The following COPB2 variants were observed in gnomAD, a reference collection of about 807,000 sequenced individuals.
COPB2 encodes coatomer subunit beta'.
A neutral mutation model predicts 120.8 loss-of-function variants in COPB2; 16 were observed. The ratio of observed to expected loss-of-function variants is 0.13; its 90% CI spans 0.09 to 0.20. The LOEUF is 0.20. Among genes scored for constraint, COPB2 ranks in the 10% least tolerant of loss-of-function variants. COPB2 has a pLI of 1.00. For missense variants in COPB2, 794 were observed against 1,076.5 expected (o/e 0.74, Z 3.67); for synonymous variants, 332 against 366.3 (o/e 0.91, Z 1.07).
chr3:139,380,951 C>T (rs1337631508), intron 2 of COPB2: 2 of 152,162 alleles, frequency 1.3e-5, no homozygotes, highest in African/African-American at 2.4e-5. Context: ...AGGTTCAACG[C>T]CATGTTAGGG....
At chr3:139,374,133 G>A (rs1941674995) in intron 7 of COPB2, 1 of 415,762 alleles carries the variant, frequency 2.4e-6, no homozygotes, top group Non-Finnish European at 4.3e-6. Context: ...AGATATATAT[G>A]TTTCCATTTC....
At chr3:139,389,250 C>T (rs1942001429) in intron 1 of COPB2, among the ~76,000 whole-genome samples, 2 of 152,258 alleles carry the variant, frequency 1.3e-5, no homozygotes, top group Non-Finnish European at 2.9e-5. Flanking sequence ...CATTCGGCTT[C>T]TGTGTTTCCC....
At chr3:139,366,976 T>C in intron 14 of COPB2, 39 bp downstream of exon 14, 1 of 1,588,562 alleles carries the variant, frequency 6.3e-7, no homozygotes, top group Non-Finnish European at 8.6e-7. Context: ...CTAAACACAC[T>C]TTAAAATTTA....
intron 17 of COPB2, 27 bp downstream of exon 17, chr3:139,361,054 T>G: frequency 3.1e-6 from 5 of 1,608,570 alleles, no homozygotes; most frequent in South Asian, 2.2e-5. Context: ...AGTGTAGAAT[T>G]AATTAATCTT....
At chr3:139,364,456 A>AAAT in intron 15 of COPB2, among the ~76,000 whole-genome samples, 1 of 152,326 alleles carries the variant, frequency 6.6e-6, no homozygotes, top group Non-Finnish European at 1.5e-5. Context: ...GAGATTATGA[A>AAAT]AATGGATACA....
chr3:139,358,032 CAA>C, intron 21 of COPB2, 74 bp from the exon 22 acceptor site: 2 of 1,055,786 alleles, frequency 1.9e-6, no homozygotes, highest in South Asian at 3.0e-5. Flanking sequence ...GTTCATGATT[CAA>C]AGTGAGAACT....
intron 15 of COPB2, among the ~76,000 whole-genome samples, chr3:139,364,530 T>C (rs1437243458): frequency 2.0e-5 from 3 of 152,140 alleles, no homozygotes; most frequent in Non-Finnish European, 4.4e-5. Context: ...CCCAAAATGA[T>C]GGTGACTGGG....
At chr3:139,389,513 G>A (rs781000765) in intron 1 of COPB2, 35 bp downstream of exon 1, 1 of 1,551,210 alleles carries the variant, frequency 6.4e-7, no homozygotes, top group Admixed American at 1.8e-5. Flanking sequence ...CGTAACCTAT[G>A]GGACCCCGCT....
At chr3:139,388,137 C>T (rs1216928674) in intron 1 of COPB2, 3 of 152,092 alleles carry the variant, frequency 2.0e-5, no homozygotes, top group Non-Finnish European at 2.9e-5. Flanking sequence ...ATCCAAGAGC[C>T]TTTTCCAAAA....
chr3:139,378,754 C>CA (rs1265629748), intron 4 of COPB2, among the ~76,000 whole-genome samples: 1 of 152,190 alleles, frequency 6.6e-6, no homozygotes, highest in Non-Finnish European at 1.5e-5. Context: ...GCCAAAAACT[C>CA]ACTCATCAAC....
At position 139,358,794 on chromosome 3, in the gene COPB2, C is replaced by T; in HGVS notation, c.2503G>A (p.Val835Ile). 1.2e-6 allele frequency: 2 copies of T among 1,612,812 alleles called. No individual in the cohort carries two copies. The highest frequency in any genetic ancestry group is 1.3e-5 in the African/African-American group (1 of 74,972). ...TGAAAGTCTTTTCCCTCTTCCATGA[C>T]ATTTCTCTCTTCATTTGGCTATCAG... is the stretch of plus-strand genomic sequence containing the variant. ...PLVTPNEERN[V>I]MEEGKDFQPS... Residue 835 changes from valine (V) to isoleucine (I), a missense_variant, in exon 20 of 22, where the codon GTC becomes ATC. By Grantham distance (29) the Val-to-Ile change is conservative (BLOSUM62 3). Coordinates refer to ENST00000333188, the MANE Select transcript of COPB2 (RefSeq NM_004766.3).
intron 5 of COPB2, 101 bp from the exon 6 acceptor site, chr3:139,375,715 G>C (rs1941700842): frequency 7.6e-7 from 1 of 1,309,040 alleles, no homozygotes; most frequent in African/African-American, 1.5e-5. Flanking sequence ...CCAAAGCCCA[G>C]GAGAGAAGAG....
intron 1 of COPB2, among the ~76,000 whole-genome samples, chr3:139,384,160 C>T (rs2107810767): frequency 6.6e-6 from 1 of 152,292 alleles, no homozygotes; most frequent in East Asian, 1.9e-4. Flanking sequence ...TATCAATAAG[C>T]TGTTTATACT....
chr3:139,358,356 A>G, intron 20 of COPB2, 85 bp from the exon 21 acceptor site: 1 of 1,214,820 alleles, frequency 8.2e-7, no homozygotes, highest in Non-Finnish European at 1.2e-6. Context: ...GGATGATCAG[A>G]ATTAGGAAGT....
intron 16 of COPB2, 54 bp downstream of exon 16, chr3:139,362,353 G>A (rs754312644): frequency 3.2e-6 from 4 of 1,263,872 alleles, no homozygotes; most frequent in Non-Finnish European, 4.5e-6. Context: ...CAAACACATA[G>A]AAGTACCTAC....
chr3:139,370,615 G>C (rs1489246480), intron 10 of COPB2, among the ~76,000 whole-genome samples: 1 of 152,180 alleles, frequency 6.6e-6, no homozygotes, highest in African/African-American at 2.4e-5. Context: ...GCCATCATCA[G>C]CAACAACTGC....
intron 21 of COPB2, 25 bp from the exon 22 acceptor site, chr3:139,357,983 T>TTAAG (rs762486888): frequency 2.8e-6 from 4 of 1,420,494 alleles, no homozygotes; most frequent in Admixed American, 3.8e-5. Flanking sequence ...AAGAGGGTAA[T>TTAAG]TAAGTTTTAC....
chr3:139,366,832 C>T, intron 14 of COPB2, 57 bp from the exon 15 acceptor site: 1 of 1,561,014 alleles, frequency 6.4e-7, no homozygotes, highest in South Asian at 1.1e-5. Flanking sequence ...CACAAACACA[C>T]ACCCCGCCAA....
intron 6 of COPB2, 98 bp downstream of exon 6, chr3:139,375,370 G>T: frequency 8.2e-7 from 1 of 1,219,166 alleles, no homozygotes; most frequent in Non-Finnish European, 1.1e-6. Flanking sequence ...AAGTTATTAT[G>T]CTGTGAACAG....
Sources: allele counts gnomAD v4.1 joint callset (sites outside exome capture counted in the v4.1 genomes callset), GRCh38; gene constraint gnomAD v4.1.1; transcripts MANE v1.5; gene names NCBI Gene and HGNC (gene_info 2026-07-23, HGNC 2026-07-21).